The following CDH18 variants were observed in gnomAD, a reference collection of about 807,000 sequenced individuals.
The protein encoded by CDH18 is cadherin 18.
CDH18 carries 31 observed loss-of-function variants against 67.9 expected under a neutral mutation model. The observed-to-expected ratio is 0.46, with a 90% confidence interval of 0.34 to 0.62. The LOEUF (loss-of-function observed/expected upper bound fraction) is 0.62. Ranked by LOEUF, CDH18 falls within the 20% of genes least tolerant of loss-of-function variation. The pLI is 0.01. For synonymous variants in CDH18, 362 were observed against 347.2 expected (o/e 1.04, Z -0.48); for missense variants, 890 against 975.5 (o/e 0.91, Z 1.17).
intron 2 of CDH18, among the ~76,000 whole-genome samples, chr5:19,940,320 T>A (rs1442801372): frequency 2.0e-5 from 3 of 151,820 alleles, no homozygotes; most frequent in Non-Finnish European, 2.9e-5. Flanking sequence ...CATGTGACCC[T>A]ATCTCCTCTA....
At chr5:20,442,806 C>T (rs1749702005) in intron 1 of CDH18, among the ~76,000 whole-genome samples, 1 of 151,726 alleles carries the variant, frequency 6.6e-6, no homozygotes, top group Admixed American at 6.6e-5. Context: ...AAGACTAGTG[C>T]CAACAGTTTA....
At chr5:20,267,725 T>C (rs1745145388) in intron 1 of CDH18, among the ~76,000 whole-genome samples, 1 of 152,202 alleles carries the variant, frequency 6.6e-6, no homozygotes, top group African/African-American at 2.4e-5. Context: ...TTAGAAACAC[T>C]ACTGAATTTT....
chr5:19,705,061 T>A (rs979339620), intron 5 of CDH18, among the ~76,000 whole-genome samples: 2 of 152,166 alleles, frequency 1.3e-5, no homozygotes, highest in African/African-American at 2.4e-5. Context: ...TTGCCACAAG[T>A]CATGTTAAAC....
chr5:19,932,648 A>G (rs2150203782), intron 2 of CDH18, among the ~76,000 whole-genome samples: 1 of 151,792 alleles, frequency 6.6e-6, no homozygotes, highest in East Asian at 1.9e-4. Flanking sequence ...TGTTATACTA[A>G]TTTTTAACAA....
At chr5:20,003,370 TAC>T (rs1181856597) in intron 2 of CDH18, among the ~76,000 whole-genome samples, 5 of 152,162 alleles carry the variant, frequency 3.3e-5, no homozygotes, top group South Asian at 2.1e-4. Context: ...CATTTTCTGT[TAC>T]AGTTTTAAGT....
chr5:20,072,246 A>C (rs948532758), intron 2 of CDH18, among the ~76,000 whole-genome samples: 34 of 152,046 alleles, frequency 2.2e-4, no homozygotes, highest in Non-Finnish European at 3.1e-4. Context: ...AGGAAAAGGA[A>C]ACCTTCTCTG....
intron 3 of CDH18, among the ~76,000 whole-genome samples, chr5:19,765,823 G>A (rs929935872): frequency 6.6e-6 from 1 of 151,996 alleles, no homozygotes; most frequent in African/African-American, 2.4e-5. Context: ...GTCTGCTGCT[G>A]TGCACAAATT....
At chr5:20,064,451 T>G (rs1561760924) in intron 2 of CDH18, among the ~76,000 whole-genome samples, 1 of 152,192 alleles carries the variant, frequency 6.6e-6, no homozygotes, top group Non-Finnish European at 1.5e-5. Context: ...AGTGTTAGCT[T>G]CTTTGTGGAA....
At chr5:19,908,117 G>A (rs1790729085) in intron 2 of CDH18, among the ~76,000 whole-genome samples, 1 of 151,960 alleles carries the variant, frequency 6.6e-6, no homozygotes, top group Non-Finnish European at 1.5e-5. Context: ...ATCATATTCA[G>A]AAGGCTTATT....
chr5:19,598,544 ACTTCATG>A (rs1746537285), intron 6 of CDH18, among the ~76,000 whole-genome samples: 2 of 152,262 alleles, frequency 1.3e-5, no homozygotes, highest in South Asian at 4.1e-4. Context: ...TGAAGGTTAA[ACTTCATG>A]TAACACTCCC....
At chr5:20,162,625 C>G (rs1735979417) in intron 2 of CDH18, among the ~76,000 whole-genome samples, 1 of 150,668 alleles carries the variant, frequency 6.6e-6, no homozygotes, top group South Asian at 2.1e-4. Flanking sequence ...GGGAAGCATT[C>G]CTACAAACAA....
chr5:19,955,705 A>T (rs1408768313), intron 2 of CDH18, among the ~76,000 whole-genome samples: 1 of 151,454 alleles, frequency 6.6e-6, no homozygotes, highest in Non-Finnish European at 1.5e-5. Flanking sequence ...TAGCAAAGTT[A>T]AAAAAAATAG....
intron 1 of CDH18, among the ~76,000 whole-genome samples, chr5:20,540,926 G>C (rs1470962952): frequency 1.3e-5 from 2 of 152,146 alleles, no homozygotes. Flanking sequence ...TTGCCCACTA[G>C]AGCCTCCTTA....
intron 1 of CDH18, among the ~76,000 whole-genome samples, chr5:20,442,164 C>T (rs1219974191): frequency 6.6e-6 from 1 of 151,730 alleles, no homozygotes; most frequent in African/African-American, 2.4e-5. Flanking sequence ...AATGCAGTAC[C>T]CCTGGTAACA....
intron 1 of CDH18, among the ~76,000 whole-genome samples, chr5:20,313,116 GCTTAA>G (rs1737144152): frequency 6.6e-6 from 1 of 151,456 alleles, no homozygotes; most frequent in African/African-American, 2.4e-5. Flanking sequence ...ACAATTCCCT[GCTTAA>G]CTTCAATGAA....
chr5:20,298,069 T>C (rs1186491092), intron 1 of CDH18, among the ~76,000 whole-genome samples: 2 of 151,926 alleles, frequency 1.3e-5, no homozygotes, highest in Non-Finnish European at 2.9e-5. Context: ...CTTAGAAAAA[T>C]AGAAAAAAGG....
At chr5:20,481,524 T>G (rs1282291219) in intron 1 of CDH18, among the ~76,000 whole-genome samples, 2 of 152,124 alleles carry the variant, frequency 1.3e-5, no homozygotes, top group Admixed American at 1.3e-4. Context: ...ATATTTCTCC[T>G]CAGCACACAG....
intron 8 of CDH18, among the ~76,000 whole-genome samples, chr5:19,568,301 A>C (rs1740788219): frequency 6.6e-6 from 1 of 152,168 alleles, no homozygotes; most frequent in Admixed American, 6.5e-5. Flanking sequence ...TGGAGGTACA[A>C]ACTTCTGGAG....
chr5:19,505,088 C>A (rs917097767), intron 10 of CDH18, among the ~76,000 whole-genome samples: 4 of 151,890 alleles, frequency 2.6e-5, no homozygotes, highest in African/African-American at 4.8e-5. Flanking sequence ...ATTTCAAATG[C>A]GAATTAAACA....
Sources: allele counts gnomAD v4.1 joint callset (sites outside exome capture counted in the v4.1 genomes callset), GRCh38; gene constraint gnomAD v4.1.1; transcripts MANE v1.5; gene names NCBI Gene and HGNC (gene_info 2026-07-23, HGNC 2026-07-21).